Variants in CCDC7 observed in about 807,000 individuals in gnomAD.
The protein encoded by CCDC7 is coiled-coil domain-containing protein 7.
A neutral mutation model predicts 196.9 loss-of-function variants in CCDC7; 183 were observed. The observed-to-expected ratio is 0.93, with a 90% CI of 0.82 to 1.05. The LOEUF (loss-of-function observed/expected upper bound fraction) is 1.05, where lower values mean the gene tolerates loss of function less well. Among genes scored for constraint, CCDC7 ranks in the 50% least tolerant of loss-of-function variants. The pLI is 0.00. For missense variants in CCDC7, 1,540 were observed against 1,482.2 expected (o/e 1.04, Z -0.64); for synonymous variants, 525 against 484.6 (o/e 1.08, Z -1.10).
chr10:32,453,600 C>A (rs1375068886), intron 2 of CCDC7, among the ~76,000 whole-genome samples, 164 bp downstream of exon 3: 1 of 152,120 alleles, frequency 6.6e-6, no homozygotes, highest in African/African-American at 2.4e-5. Context: ...CTCAACCCAA[C>A]CAAATCCCTC....
At chr10:32,657,642 T>A (rs962019757) in intron 20 of CCDC7, among the ~76,000 whole-genome samples, 1 of 152,198 alleles carries the variant, frequency 6.6e-6, no homozygotes, top group Non-Finnish European at 1.5e-5. Context: ...CTCCTAGGCC[T>A]CTGGGCCTGT....
chr10:32,649,254 G>A (rs2068305018), intron 20 of CCDC7, among the ~76,000 whole-genome samples: 1 of 152,086 alleles, frequency 6.6e-6, no homozygotes, highest in South Asian at 2.1e-4. Flanking sequence ...AACCACCATG[G>A]CACACATTTA....
chr10:32,663,682 T>C (rs1471752892), intron 20 of CCDC7, among the ~76,000 whole-genome samples: 1 of 152,074 alleles, frequency 6.6e-6, no homozygotes, highest in South Asian at 2.1e-4. Context: ...CAATTTCATA[T>C]GCTTGTACAT....
At chr10:32,688,744 G>C (rs1463110116) in intron 22 of CCDC7, among the ~76,000 whole-genome samples, 1 of 152,012 alleles carries the variant, frequency 6.6e-6, no homozygotes, top group Non-Finnish European at 1.5e-5. Context: ...TGAATAACTT[G>C]GTGCATATGC....
intron 28 of CCDC7, among the ~76,000 whole-genome samples, chr10:32,736,427 A>T (rs2132983924): frequency 6.6e-6 from 1 of 152,094 alleles, no homozygotes. Context: ...TTTAGGGTAC[A>T]TGTGCACAAT....
intron 11 of CCDC7, among the ~76,000 whole-genome samples, chr10:32,518,807 G>A (rs111292470): frequency 6.6e-6 from 1 of 152,062 alleles, no homozygotes; most frequent in Non-Finnish European, 1.5e-5. Context: ...AATGCATTTT[G>A]TGGTATTTTC....
chr10:32,837,163 G>T (rs1380846897), intron 33 of CCDC7, among the ~76,000 whole-genome samples: 1 of 152,064 alleles, frequency 6.6e-6, no homozygotes, highest in African/African-American at 2.4e-5. Flanking sequence ...GAAAATTTTT[G>T]CAATCTACTC....
chr10:32,805,095 C>T (rs757487254), exon 30 of CCDC7: 22 of 1,602,956 alleles, frequency 1.4e-5, no homozygotes, highest in Non-Finnish European at 1.9e-5. Flanking sequence ...AAAGAGTTTC[C>T]CTGGTAAGAA....
chr10:32,743,552 T>A (rs11009059), intron 28 of CCDC7, among the ~76,000 whole-genome samples: 38,187 of 152,122 alleles, frequency 0.25, 5,378 homozygotes, highest in South Asian at 0.44. Flanking sequence ...AAGATTTAAG[T>A]CTTTAGTCCA....
chr10:32,547,128 C>T (rs562042703), intron 13 of CCDC7, among the ~76,000 whole-genome samples: 4 of 152,216 alleles, frequency 2.6e-5, no homozygotes, highest in East Asian at 3.9e-4. Flanking sequence ...AGCCATCCTC[C>T]CGCCTCACCC....
chr10:32,735,220 A>G (rs1373724168), intron 28 of CCDC7, among the ~76,000 whole-genome samples: 2 of 152,242 alleles, frequency 1.3e-5, no homozygotes, highest in Non-Finnish European at 2.9e-5. Context: ...GGTAAATACC[A>G]AGGAGCACGA....
intron 30 of CCDC7, among the ~76,000 whole-genome samples, chr10:32,806,661 A>G (rs1349126723): frequency 1.3e-5 from 2 of 152,200 alleles, no homozygotes. Context: ...AAAGAATTAA[A>G]AAACTTAAAG....
intron 25 of CCDC7, among the ~76,000 whole-genome samples, chr10:32,719,626 C>A (rs947892404): frequency 2.0e-5 from 3 of 152,096 alleles, no homozygotes; most frequent in South Asian, 2.1e-4. Context: ...ATCCATCTGA[C>A]AAAGGACTAA....
rs532693988 is a variant in CCDC7, at chr10:32,544,182, A to G, written c.1080-65A>G. 5.0e-6 allele frequency: 7 copies of G among 1,400,774 alleles called. No individual in the cohort carries two copies. In the African/African-American group the frequency reaches 7.2e-5, roughly 14 times the overall value. The allele number at this position is 1,400,774 out of a possible 1,614,324, so 86.8% of individuals were successfully genotyped here. On this transcript the variant is annotated intron_variant, in intron 12 of 41. Coordinates refer to ENST00000639629, the Ensembl canonical transcript of CCDC7. Reference sequence around the variant, plus strand: ...TAAAATCGTTTAAAAAGTCCTCCTCAAGAAAGCAAAGCAGTGATGCATTTA... The same window carrying G: ...TAAAATCGTTTAAAAAGTCCTCCTCGAGAAAGCAAAGCAGTGATGCATTTA...
intron 29 of CCDC7, among the ~76,000 whole-genome samples, chr10:32,801,903 A>G (rs1239974195): frequency 6.6e-6 from 1 of 152,222 alleles, no homozygotes; most frequent in Non-Finnish European, 1.5e-5. Flanking sequence ...ATCAGAATTT[A>G]GGAGCTCAGT....
intron 9 of CCDC7, among the ~76,000 whole-genome samples, chr10:32,509,140 C>T (rs1293288481): frequency 6.6e-6 from 1 of 152,026 alleles, no homozygotes; most frequent in Non-Finnish European, 1.5e-5. Flanking sequence ...CTGGCCCTTA[C>T]TTTCTGATTT....
chr10:32,788,511 C>T (rs1251388614), intron 29 of CCDC7, among the ~76,000 whole-genome samples: 1 of 152,126 alleles, frequency 6.6e-6, no homozygotes, highest in African/African-American at 2.4e-5. Flanking sequence ...TTTCTGTGGC[C>T]CCAGACTTGC....
At chr10:32,784,974 C>T (rs545555491) in intron 29 of CCDC7, among the ~76,000 whole-genome samples, 2 of 152,030 alleles carry the variant, frequency 1.3e-5, no homozygotes, top group East Asian at 3.9e-4. Flanking sequence ...TGCACTCCAG[C>T]CTGGGAGAGA....
At chr10:32,541,088 A>G (rs2051343088) in intron 11 of CCDC7, among the ~76,000 whole-genome samples, 1 of 139,938 alleles carries the variant, frequency 7.1e-6, no homozygotes, top group African/African-American at 2.7e-5. Context: ...TTTTTGTCTG[A>G]TTGATTTATT....
Sources: gnomAD v4.1 joint callset for allele counts (sites outside exome capture counted in the v4.1 genomes callset) on GRCh38, gnomAD v4.1.1 for gene constraint, MANE v1.5 for transcripts, NCBI Gene and HGNC (gene_info 2026-07-23, HGNC 2026-07-21) for gene names.